The following DCBLD2 variants were observed in gnomAD, a reference collection of about 807,000 sequenced individuals.
DCBLD2 encodes discoidin, CUB and LCCL domain containing 2.
DCBLD2 carries 54 observed loss-of-function variants against 86.8 expected under a neutral mutation model. The ratio of observed to expected loss-of-function variants is 0.62; its 90% CI spans 0.50 to 0.78. The LOEUF (loss-of-function observed/expected upper bound fraction) is 0.78, where lower values mean the gene tolerates loss of function less well. DCBLD2 is among the 30% of genes least tolerant of loss of function. The pLI is 0.00. For synonymous variants in DCBLD2, 354 were observed against 341.3 expected (o/e 1.04, Z -0.41); for missense variants, 908 against 954.2 (o/e 0.95, Z 0.64).
chr3:98,821,206 C>T (rs1942114329), intron 6 of DCBLD2: 1 of 152,184 alleles, frequency 6.6e-6, no homozygotes, highest in Non-Finnish European at 1.5e-5. Flanking sequence ...GTATACCAAT[C>T]TGGATATGGA....
intron 2 of DCBLD2, among the ~76,000 whole-genome samples, chr3:98,864,620 C>T (rs36157152): frequency 7.2e-5 from 11 of 152,126 alleles, no homozygotes; most frequent in East Asian, 3.9e-4. Flanking sequence ...AACCAAACAG[C>T]GCATGTTCTC....
At chr3:98,877,546 T>C (rs1559796989) in intron 2 of DCBLD2, among the ~76,000 whole-genome samples, 1 of 151,818 alleles carries the variant, frequency 6.6e-6, no homozygotes, top group Non-Finnish European at 1.5e-5. Context: ...GGTATCAGCA[T>C]AAACTCATGC....
At chr3:98,890,427 AC>A in intron 1 of DCBLD2, 1 of 152,180 alleles carries the variant, frequency 6.6e-6, no homozygotes, top group East Asian at 1.9e-4. Flanking sequence ...CCCTCTGCAC[AC>A]CCTGCTGTCA....
chr3:98,866,894 G>A (rs1358049898), intron 2 of DCBLD2, among the ~76,000 whole-genome samples: 3 of 152,216 alleles, frequency 2.0e-5, no homozygotes, highest in African/African-American at 7.2e-5. Flanking sequence ...TAAGGTGTAA[G>A]GAAGGGATCC....
intron 6 of DCBLD2, chr3:98,820,696 A>C (rs1306855152): frequency 6.5e-6 from 1 of 152,860 alleles, no homozygotes; most frequent in Non-Finnish European, 1.5e-5. Flanking sequence ...AAAAGGTCTA[A>C]TTCTCAGAGA....
At chr3:98,864,154 A>T (rs1447137720) in intron 2 of DCBLD2, among the ~76,000 whole-genome samples, 2 of 152,256 alleles carry the variant, frequency 1.3e-5, no homozygotes, top group Non-Finnish European at 2.9e-5. Flanking sequence ...CCACAATGAG[A>T]TACCACCTCA....
chr3:98,849,430 T>C (rs1358837479), intron 3 of DCBLD2, 31 bp downstream of exon 3: 3 of 1,613,560 alleles, frequency 1.9e-6, no homozygotes, highest in African/African-American at 1.3e-5. Context: ...AATTACAAAC[T>C]GTAGGAACCA....
Position 98,876,920 on chromosome 3 carries a change from T to C in DCBLD2, c.433+4620A>G, listed in dbSNP as rs1041478435. Among the ~76,000 whole-genome samples the C allele has an allele frequency of 2.6e-5, 4 of 152,076 alleles. No individual in the cohort carries two copies. The East Asian group carries it at 5.8e-4, about 22-fold the overall frequency. On this transcript the variant is annotated intron_variant, in intron 2 of 15. Transcript: ENST00000326840. The stretch of plus-strand genomic sequence containing the variant: ...GGAGAAAGCAAAGTACAAAAGAATA[T>C]TGAAAGAATGTTAAAGTTCGTATAA...
chr3:98,895,274 G>C (rs1215918170), intron 1 of DCBLD2: 2 of 152,034 alleles, frequency 1.3e-5, no homozygotes, highest in Non-Finnish European at 2.9e-5. Flanking sequence ...GATGATAAAG[G>C]GGCTGCTGGC....
intron 12 of DCBLD2, among the ~76,000 whole-genome samples, chr3:98,810,378 G>T (rs1941917947): frequency 6.6e-6 from 1 of 152,230 alleles, no homozygotes; most frequent in Non-Finnish European, 1.5e-5. Context: ...CATGGGGAAA[G>T]TCAGAGAAAG....
intron 2 of DCBLD2, among the ~76,000 whole-genome samples, chr3:98,871,313 G>A (rs1943279053): frequency 6.6e-6 from 1 of 152,092 alleles, no homozygotes; most frequent in African/African-American, 2.4e-5. Flanking sequence ...AGAACTTCCA[G>A]TACTACGTTG....
rs2107445100 is a variant in DCBLD2, at chr3:98,819,430, A to G, written c.872-13T>C. On this transcript the variant is annotated splice_polypyrimidine_tract_variant and intron_variant, in intron 7 of 15. Transcript: ENST00000326840. ...GTTCCATAACATCCTGAAACAAAGAAAAGACTAAATTTGGTTTCCAGGTAT... is the reference window on the plus strand; with the variant it reads ...GTTCCATAACATCCTGAAACAAAGAGAAGACTAAATTTGGTTTCCAGGTAT... 1 of 1,613,252 alleles carries G rather than the reference A, an allele frequency of 6.2e-7. No homozygotes were observed. The highest frequency in any genetic ancestry group is 8.5e-7 in the Non-Finnish European group (1 of 1,179,664).
chr3:98,865,102 C>T (rs2107504276), intron 2 of DCBLD2, among the ~76,000 whole-genome samples: 1 of 152,212 alleles, frequency 6.6e-6, no homozygotes, highest in South Asian at 2.1e-4. Flanking sequence ...AGTAATTTTA[C>T]TACTGGGTAT....
At chr3:98,838,286 C>CA (rs1207959951) in intron 3 of DCBLD2, among the ~76,000 whole-genome samples, 1 of 99,476 alleles carries the variant, frequency 1.0e-5, no homozygotes, top group African/African-American at 3.2e-5. Context: ...CCTCACTTCT[C>CA]AGACGGGGCG....
Position 98,888,974 on chromosome 3 carries a change from C to T in DCBLD2, c.206-7207G>A, listed in dbSNP as rs534166670. 1.3e-4 allele frequency among the ~76,000 whole-genome samples: 20 copies of T among 152,154 alleles called. 1 individual carries two copies. In the South Asian group the frequency reaches 3.9e-3, roughly 30 times the overall value. On this transcript the variant is annotated intron_variant, in intron 1 of 15. Transcript: ENST00000326840. Reference sequence around the variant, plus strand: ...TGACCTCTCAGCTCTCTTACACCCACTGCATACTTTCTGTGAACTGGATTT... The same window carrying T: ...TGACCTCTCAGCTCTCTTACACCCATTGCATACTTTCTGTGAACTGGATTT...
At chr3:98,886,223 T>C (rs1438735334) in intron 1 of DCBLD2, among the ~76,000 whole-genome samples, 2 of 151,958 alleles carry the variant, frequency 1.3e-5, no homozygotes, top group Admixed American at 1.3e-4. Context: ...CATAAAGAAA[T>C]GCTTTTTATT....
At chr3:98,826,156 G>T (rs1942216262) in intron 3 of DCBLD2, among the ~76,000 whole-genome samples, 1 of 131,030 alleles carries the variant, frequency 7.6e-6, no homozygotes, top group South Asian at 2.4e-4. Context: ...GTAAAAAGTG[G>T]CTTTGGTTAA....
intron 4 of DCBLD2, among the ~76,000 whole-genome samples, chr3:98,824,935 T>C (rs1942189337): frequency 6.6e-6 from 1 of 152,126 alleles, no homozygotes; most frequent in African/African-American, 2.4e-5. Context: ...ATAGTAGAAA[T>C]GGTACTTGAG....
intron 3 of DCBLD2, among the ~76,000 whole-genome samples, chr3:98,836,638 G>A (rs1329455177): frequency 3.6e-5 from 5 of 137,184 alleles, no homozygotes; most frequent in Admixed American, 7.3e-5. Context: ...GGCTGGCCGG[G>A]CAGAGGGGCT....
Sources: gnomAD v4.1 joint callset for allele counts (sites outside exome capture counted in the v4.1 genomes callset) on GRCh38, gnomAD v4.1.1 for gene constraint, MANE v1.5 for transcripts, NCBI Gene and HGNC (gene_info 2026-07-23, HGNC 2026-07-21) for gene names.